RALYL: variants seen among roughly 807,000 people sequenced by gnomAD.
The protein encoded by RALYL is RALY RNA binding protein like, also known as RNA-binding Raly-like protein.
A neutral mutation model predicts 35.1 loss-of-function variants in RALYL; 29 were observed. The observed-to-expected ratio is 0.83, with a 90% CI of 0.61 to 1.13. The LOEUF (loss-of-function observed/expected upper bound fraction) is 1.13. RALYL is among the 50% of genes most tolerant of loss of function. The pLI, the probability that RALYL is intolerant of heterozygous loss-of-function variation, is 0.00. For synonymous variants in RALYL, 120 were observed against 127.6 expected (o/e 0.94, Z 0.40); for missense variants, 359 against 360.4 (o/e 1.00, Z 0.03).
At chr8:84,379,952 C>T (rs1338072405) in intron 1 of RALYL, among the ~76,000 whole-genome samples, 5 of 151,242 alleles carry the variant, frequency 3.3e-5, no homozygotes, top group African/African-American at 1.2e-4. Flanking sequence ...AATAGTTAGA[C>T]TATTATGATG....
chr8:84,260,707 A>G (rs1832096655), intron 1 of RALYL, among the ~76,000 whole-genome samples: 1 of 152,198 alleles, frequency 6.6e-6, no homozygotes, highest in African/African-American at 2.4e-5. Flanking sequence ...GTAGCCTATT[A>G]CCATGACCTA....
rs572403059 is a variant in RALYL at position 84,649,620 on chromosome 8, G to A, written c.256+120043G>A. Among the ~76,000 whole-genome samples the A allele has an allele frequency of 8.0e-3, 1,209 of 152,060 alleles. 15 individuals are homozygous for A. Among genetic ancestry groups the A allele is most frequent in the African/African-American group, 0.027 (1,118 of 41,506 alleles). ...ATGCGGCGTTATTTCTGAGGGCTCT[G>A]TTCTGTTCCATTGATCTATATCTCT... On this transcript the variant is annotated intron_variant, in intron 2 of 8. Transcript: ENST00000521268.
chr8:84,572,941 AT>A (rs548195839), intron 2 of RALYL, among the ~76,000 whole-genome samples: 22 of 150,778 alleles, frequency 1.5e-4, no homozygotes, highest in African/African-American at 4.9e-4. Flanking sequence ...TTTTTGCTTA[AT>A]TTTTTTATGG....
intron 2 of RALYL, among the ~76,000 whole-genome samples, chr8:84,582,487 G>T (rs1588327868): frequency 6.6e-6 from 1 of 151,856 alleles, no homozygotes; most frequent in South Asian, 2.1e-4. Flanking sequence ...AAAAAAAAAG[G>T]CCAGATATTC....
intron 1 of RALYL, among the ~76,000 whole-genome samples, chr8:84,226,608 A>G (rs1311105323): frequency 1.2e-5 from 1 of 82,928 alleles, no homozygotes; most frequent in East Asian, 3.4e-4. Flanking sequence ...CTGGGAAGCA[A>G]TATGACTTAA....
At chr8:84,462,296 T>C (rs2050893335) in intron 1 of RALYL, among the ~76,000 whole-genome samples, 1 of 151,682 alleles carries the variant, frequency 6.6e-6, no homozygotes, top group Non-Finnish European at 1.5e-5. Context: ...ATTGTTATCA[T>C]ATTGTTGCAT....
At chr8:84,378,448 G>A (rs1857343400) in intron 1 of RALYL, among the ~76,000 whole-genome samples, 1 of 151,774 alleles carries the variant, frequency 6.6e-6, no homozygotes, top group African/African-American at 2.4e-5. Context: ...TACATTTCAT[G>A]TATTTTAGGC....
chr8:84,898,383 A>T (rs1344890387), intron 8 of RALYL, among the ~76,000 whole-genome samples: 5 of 152,168 alleles, frequency 3.3e-5, no homozygotes, highest in Non-Finnish European at 7.4e-5. Context: ...AACACCAATG[A>T]CAGGGGCCAC....
At chr8:84,480,104 G>A (rs191395630) in intron 1 of RALYL, among the ~76,000 whole-genome samples, 148 of 152,100 alleles carry the variant, frequency 9.7e-4, no homozygotes, top group African/African-American at 2.9e-3. Context: ...AACCTGACTC[G>A]TTATTCTTAT....
At chr8:84,817,886 G>T (rs1827727138) in intron 4 of RALYL, among the ~76,000 whole-genome samples, 1 of 152,268 alleles carries the variant, frequency 6.6e-6, no homozygotes, top group Admixed American at 6.5e-5. Flanking sequence ...TTATGAATGT[G>T]ATAATACTTA....
intron 2 of RALYL, among the ~76,000 whole-genome samples, chr8:84,604,653 A>G (rs913630838): frequency 6.6e-6 from 1 of 152,100 alleles, no homozygotes; most frequent in African/African-American, 2.4e-5. Flanking sequence ...ATTGTCTCTG[A>G]TACTGTAGTA....
At chr8:84,651,105 A>C (rs1365903079) in intron 2 of RALYL, among the ~76,000 whole-genome samples, 2 of 152,030 alleles carry the variant, frequency 1.3e-5, no homozygotes, top group African/African-American at 4.8e-5. Context: ...TAGCTTTAGG[A>C]GATATACCTA....
chr8:84,572,025 A>G (rs1207070510), intron 2 of RALYL, among the ~76,000 whole-genome samples: 1 of 151,780 alleles, frequency 6.6e-6, no homozygotes, highest in Non-Finnish European at 1.5e-5. Context: ...GGCCAAGCAT[A>G]TGGTAAATTC....
At chr8:84,552,603 T>C (rs895832286) in intron 2 of RALYL, among the ~76,000 whole-genome samples, 5 of 151,758 alleles carry the variant, frequency 3.3e-5, no homozygotes, top group African/African-American at 1.2e-4. Flanking sequence ...GCTCCAATAT[T>C]TGTTCCACTT....
chr8:84,666,352 A>G (rs572632392), intron 2 of RALYL, among the ~76,000 whole-genome samples: 4 of 152,180 alleles, frequency 2.6e-5, no homozygotes, highest in South Asian at 2.1e-4. Flanking sequence ...ATGAGTACGC[A>G]TGTGCACACA....
chr8:84,642,929 C>T (rs180966914), intron 2 of RALYL, among the ~76,000 whole-genome samples: 105 of 152,128 alleles, frequency 6.9e-4, no homozygotes, highest in African/African-American at 2.5e-3. Context: ...GAATCCCTCT[C>T]ATCTCTGCAA....
At chr8:84,830,121 T>A (rs2134371515) in intron 4 of RALYL, among the ~76,000 whole-genome samples, 1 of 151,560 alleles carries the variant, frequency 6.6e-6, no homozygotes, top group African/African-American at 2.4e-5. Flanking sequence ...ATTTGCAGTA[T>A]GAACTGAAAC....
chr8:84,797,709 T>G (rs1404141814), intron 3 of RALYL, among the ~76,000 whole-genome samples: 1 of 152,192 alleles, frequency 6.6e-6, no homozygotes, highest in African/African-American at 2.4e-5. Flanking sequence ...CAAACAAGAT[T>G]TCAAACATCA....
intron 1 of RALYL, among the ~76,000 whole-genome samples, chr8:84,476,773 G>A (rs1359994990): frequency 1.3e-5 from 2 of 152,186 alleles, no homozygotes; most frequent in Non-Finnish European, 2.9e-5. Flanking sequence ...GTCCTATGCA[G>A]TGATGCAGCA....
Sources: allele counts gnomAD v4.1 joint callset (sites outside exome capture counted in the v4.1 genomes callset), GRCh38; gene constraint gnomAD v4.1.1; transcripts MANE v1.5; gene names NCBI Gene and HGNC (gene_info 2026-07-23, HGNC 2026-07-21).